Variants in RMDN2 observed in about 807,000 individuals in gnomAD.
RMDN2 encodes the protein regulator of microtubule dynamics 2.
Under a neutral mutation model 52.8 loss-of-function variants are expected in RMDN2, and 61 were observed. That is an observed-to-expected ratio of 1.16 (90% CI 0.94 to 1.43). The LOEUF (loss-of-function observed/expected upper bound fraction) is 1.43, where lower values mean the gene tolerates loss of function less well. Ranked by LOEUF, RMDN2 falls within the 40% of genes most tolerant of loss-of-function variation. RMDN2 has a pLI of 0.00. For missense variants in RMDN2, 592 were observed against 475.3 expected (o/e 1.25, Z -2.28); for synonymous variants, 180 against 153.1 (o/e 1.18, Z -1.30).
chr2:37,996,430 T>A (rs899021092), intron 7 of RMDN2, among the ~76,000 whole-genome samples: 27 of 151,506 alleles, frequency 1.8e-4, no homozygotes, highest in Non-Finnish European at 2.5e-4. Flanking sequence ...ACAAAAAATT[T>A]AAAAAATTAA....
At chr2:37,982,552 G>T (rs1406629819) in intron 5 of RMDN2, among the ~76,000 whole-genome samples, 1 of 152,066 alleles carries the variant, frequency 6.6e-6, no homozygotes, top group East Asian at 1.9e-4. Flanking sequence ...CTTATCTTAC[G>T]TAGCCTGGAG....
chr2:37,970,888 T>C (rs1671723063), intron 2 of RMDN2, among the ~76,000 whole-genome samples: 1 of 152,178 alleles, frequency 6.6e-6, no homozygotes, highest in Non-Finnish European at 1.5e-5. Flanking sequence ...TTGCCCATTT[T>C]TAAATTGAAT....
At position 38,031,601 on chromosome 2, in the gene RMDN2, A is replaced by T. The variant is rs184906137; in HGVS notation, c.1713+27385A>T. On this transcript the variant is annotated intron_variant, in intron 10 of 10. Coordinates refer to the RMDN2 transcript ENST00000234195. ...TGAACTCTTCCATTTGTCTCCCTGAACTGGCCAGAGAAATCTGTGGATGAG... is the reference window on the plus strand; with the variant it reads ...TGAACTCTTCCATTTGTCTCCCTGATCTGGCCAGAGAAATCTGTGGATGAG... 9.9e-4 allele frequency among the ~76,000 whole-genome samples: 151 copies of T among 152,224 alleles called. 1 individual carries two copies. The highest frequency in any genetic ancestry group is 1.7e-3 in the Non-Finnish European group (116 of 68,010).
At chr2:37,924,302 TTAA>T (rs1666119147), upstream of RMDN2, among the ~76,000 whole-genome samples, 1 of 152,168 alleles carries the variant, frequency 6.6e-6, no homozygotes, top group African/African-American at 2.4e-5. Context: ...AGTTTAGAGA[TTAA>T]TGTTATGCAA....
intron 2 of RMDN2, among the ~76,000 whole-genome samples, chr2:37,931,987 TAAAC>T (rs1311348778): frequency 1.3e-5 from 2 of 152,072 alleles, no homozygotes; most frequent in African/African-American, 2.4e-5. Flanking sequence ...TTTAGAAAAA[TAAAC>T]AAAAGCAGAC....
chr2:38,025,714 G>A (rs1679732915), intron 10 of RMDN2, among the ~76,000 whole-genome samples: 1 of 151,896 alleles, frequency 6.6e-6, no homozygotes, highest in Non-Finnish European at 1.5e-5. Flanking sequence ...TGTTCATTGA[G>A]ATGATCATAT....
At chr2:37,950,349 T>TG (rs1668621762) in intron 2 of RMDN2, 1 of 1,143,414 alleles carries the variant, frequency 8.7e-7, no homozygotes. Context: ...TCCACAGCCA[T>TG]GTGAATTCCA....
intron 10 of RMDN2, among the ~76,000 whole-genome samples, chr2:38,056,172 G>T (rs546079216): frequency 6.6e-6 from 1 of 152,286 alleles, no homozygotes; most frequent in South Asian, 2.1e-4. Context: ...TGGGGAGCAG[G>T]TCCTTTCATC....
chr2:37,924,178 A>T (rs1666114628), upstream of RMDN2, among the ~76,000 whole-genome samples: 1 of 152,230 alleles, frequency 6.6e-6, no homozygotes, highest in Non-Finnish European at 1.5e-5. Context: ...ACAGTAGTAT[A>T]TGGATTGCAA....
At chr2:38,006,626 G>A (rs1382533779) in intron 10 of RMDN2, among the ~76,000 whole-genome samples, 3 of 152,100 alleles carry the variant, frequency 2.0e-5, no homozygotes, top group African/African-American at 7.2e-5. Flanking sequence ...GGATTTTCTA[G>A]ATATACAATC....
At chr2:38,061,958 G>C (rs955954286) in intron 10 of RMDN2, among the ~76,000 whole-genome samples, 1 of 152,218 alleles carries the variant, frequency 6.6e-6, no homozygotes, top group African/African-American at 2.4e-5. Flanking sequence ...CACAGGCCAT[G>C]ATCCTTGTTC....
intron 10 of RMDN2, among the ~76,000 whole-genome samples, chr2:38,025,466 G>GT (rs1432426848): frequency 6.6e-6 from 1 of 151,918 alleles, no homozygotes; most frequent in African/African-American, 2.4e-5. Flanking sequence ...TGAAGGTTTT[G>GT]TTTTGTTTTT....
At chr2:38,051,344 T>G (rs996774544) in intron 10 of RMDN2, among the ~76,000 whole-genome samples, 48 of 152,222 alleles carry the variant, frequency 3.2e-4, no homozygotes, top group African/African-American at 1.0e-3. Flanking sequence ...TTAAATTCCC[T>G]CTGTACAATG....
chr2:38,002,093 A>G (rs1264746276), intron 8 of RMDN2, among the ~76,000 whole-genome samples: 1 of 152,206 alleles, frequency 6.6e-6, no homozygotes. Context: ...TCCTTCTTCT[A>G]GAACCCTTCT....
chr2:37,970,687 G>T (rs75914938), intron 2 of RMDN2, among the ~76,000 whole-genome samples: 2,377 of 152,256 alleles, frequency 0.016, 70 homozygotes, highest in African/African-American at 0.054. Context: ...GCAAGAGATA[G>T]AGAGCAAGTT....
chr2:38,028,885 C>T (rs1269135435), intron 10 of RMDN2, among the ~76,000 whole-genome samples: 1 of 152,152 alleles, frequency 6.6e-6, no homozygotes, highest in Non-Finnish European at 1.5e-5. Flanking sequence ...TAACTGGAGC[C>T]AGCTGATGCG....
At chr2:38,039,093 C>CACACAGAGAGAG (rs1317093706) in intron 10 of RMDN2, among the ~76,000 whole-genome samples, 1 of 91,592 alleles carries the variant, frequency 1.1e-5, no homozygotes, top group African/African-American at 3.1e-5. Context: ...CACACACACA[C>CACACAGAGAGAG]AGAGAGAGAG....
At chr2:37,983,883 C>A (rs1673646775) in intron 5 of RMDN2, among the ~76,000 whole-genome samples, 1 of 152,064 alleles carries the variant, frequency 6.6e-6, no homozygotes. Context: ...ATTTGACTGC[C>A]TGTTTTTGTA....
chr2:37,975,153 G>C (rs1453480074), intron 3 of RMDN2, 59 bp from the exon 4 acceptor site: 5 of 1,005,746 alleles, frequency 5.0e-6, no homozygotes, highest in Non-Finnish European at 7.9e-6. Context: ...TAGAAAACAA[G>C]AATAGAATAG....
Sources: allele counts gnomAD v4.1 joint callset (sites outside exome capture counted in the v4.1 genomes callset), GRCh38; gene constraint gnomAD v4.1.1; transcripts MANE v1.5; gene names NCBI Gene and HGNC (gene_info 2026-07-23, HGNC 2026-07-21).